SPATA13: variants seen among roughly 807,000 people sequenced by gnomAD.
SPATA13 encodes spermatogenesis-associated protein 13.
SPATA13 carries 50 observed loss-of-function variants against 104.0 expected under a neutral mutation model. That is an observed-to-expected ratio of 0.48 (90% CI 0.38 to 0.61). The LOEUF (loss-of-function observed/expected upper bound fraction) is 0.61, where lower values mean the gene tolerates loss of function less well. Among genes scored for constraint, SPATA13 ranks in the 20% least tolerant of loss-of-function variants. The pLI is 0.00. For synonymous variants in SPATA13, 606 were observed against 667.5 expected (o/e 0.91, Z 1.42); for missense variants, 1,524 against 1,690.6 (o/e 0.90, Z 1.73).
chr13:24,141,352 A>G (rs1881756328), intron 3 of SPATA13, among the ~76,000 whole-genome samples: 1 of 152,174 alleles, frequency 6.6e-6, no homozygotes, highest in African/African-American at 2.4e-5. Flanking sequence ...ATTAATTAAC[A>G]TACTGAGTGC....
chr13:24,124,256 G>A lies in SPATA13; in HGVS notation c.-111-98563G>A, dbSNP rs117972266. ...TTAAAATGTGTTTTTGTTGTCTTTAGTAGTCTATTGACACCACCTTAGAAT... is the reference window on the plus strand; with the variant it reads ...TTAAAATGTGTTTTTGTTGTCTTTAATAGTCTATTGACACCACCTTAGAAT... On this transcript the variant is annotated intron_variant, in intron 3 of 14. Coordinates refer to the SPATA13 transcript ENST00000424834. 1.6e-4 allele frequency among the ~76,000 whole-genome samples: 25 copies of A among 152,276 alleles called. 1 individual carries two copies. In the East Asian group the frequency reaches 4.8e-3, roughly 29 times the overall value.
intron 3 of SPATA13, among the ~76,000 whole-genome samples, chr13:24,140,380 T>C (rs1003010626): frequency 1.3e-5 from 2 of 152,234 alleles, no homozygotes; most frequent in Admixed American, 6.5e-5. Flanking sequence ...ATTTTCAAAA[T>C]ATAAAAGGTT....
chr13:24,178,900 C>A (rs910576936), intron 1 of SPATA13, among the ~76,000 whole-genome samples: 1 of 152,178 alleles, frequency 6.6e-6, no homozygotes, highest in African/African-American at 2.4e-5. Flanking sequence ...TCATCCCCTC[C>A]GAAAGGAAAC....
At chr13:24,208,044 G>A (rs1288125640) in intron 1 of SPATA13, among the ~76,000 whole-genome samples, 1 of 152,214 alleles carries the variant, frequency 6.6e-6, no homozygotes, top group African/African-American at 2.4e-5. Context: ...CTGCCTGATG[G>A]GAGCCGCTGA....
intron 3 of SPATA13, among the ~76,000 whole-genome samples, chr13:24,104,722 A>G (rs553991054): frequency 6.6e-6 from 1 of 152,346 alleles, no homozygotes; most frequent in Non-Finnish European, 1.5e-5. Flanking sequence ...AAATAATCTA[A>G]AAACAGTGCT....
intron 1 of SPATA13, among the ~76,000 whole-genome samples, chr13:24,210,719 T>C (rs1191330730): frequency 6.6e-6 from 1 of 152,006 alleles, no homozygotes; most frequent in Non-Finnish European, 1.5e-5. Context: ...TTTTTCAAGA[T>C]TGCTTTGTCC....
At chr13:24,115,745 G>T (rs977902056) in intron 3 of SPATA13, among the ~76,000 whole-genome samples, 2 of 152,210 alleles carry the variant, frequency 1.3e-5, no homozygotes, top group African/African-American at 4.8e-5. Context: ...TTTCTCAGTG[G>T]GTTGTGATCA....
chr13:24,274,361 C>T (rs1269831837), intron 4 of SPATA13, among the ~76,000 whole-genome samples: 1 of 152,242 alleles, frequency 6.6e-6, no homozygotes, highest in Non-Finnish European at 1.5e-5. Context: ...TTCCCCACTA[C>T]CACCACCCAA....
intron 3 of SPATA13, among the ~76,000 whole-genome samples, chr13:24,083,207 A>G (rs1359877792): frequency 6.6e-6 from 1 of 152,254 alleles, no homozygotes; most frequent in Non-Finnish European, 1.5e-5. Flanking sequence ...TCTATCAGCC[A>G]GTGGAGACCC....
At chr13:23,989,193 G>A (rs1875291357) in intron 2 of SPATA13, among the ~76,000 whole-genome samples, 1 of 152,166 alleles carries the variant, frequency 6.6e-6, no homozygotes, top group South Asian at 2.1e-4. Context: ...GGAGGCCGAG[G>A]CAGGTGGATC....
intron 3 of SPATA13, among the ~76,000 whole-genome samples, chr13:24,136,530 A>G (rs907506465): frequency 1.3e-5 from 2 of 152,056 alleles, no homozygotes; most frequent in African/African-American, 4.8e-5. Flanking sequence ...AGAAAAAGAG[A>G]GGGAGGGAGG....
At chr13:24,261,642 G>A (rs1382178122) in intron 4 of SPATA13, among the ~76,000 whole-genome samples, 1 of 152,174 alleles carries the variant, frequency 6.6e-6, no homozygotes, top group Non-Finnish European at 1.5e-5. Context: ...AGCCAGGCAG[G>A]TAAGCGGTGT....
rs531114859 is a variant in SPATA13 at position 24,280,942 on chromosome 13, T to G, written c.2165-3193T>G. On this transcript the variant is annotated intron_variant, in intron 4 of 12. Coordinates refer to ENST00000382108, the MANE Select transcript of SPATA13 (RefSeq NM_001166271.3). Reference sequence around the variant, plus strand: ...AAAACGAAACAGTCACCATGCGTTGTTCAGGCTCCCGTGTTTCTCAGACAG... The same window carrying G: ...AAAACGAAACAGTCACCATGCGTTGGTCAGGCTCCCGTGTTTCTCAGACAG... 1.8e-3 allele frequency among the ~76,000 whole-genome samples: 274 copies of G among 152,280 alleles called. 3 individuals are homozygous for G. Among genetic ancestry groups the G allele is most frequent in the African/African-American group, 6.4e-3 (264 of 41,562 alleles).
intron 4 of SPATA13, among the ~76,000 whole-genome samples, chr13:24,260,624 A>G (rs1253539558): frequency 2.0e-5 from 3 of 152,262 alleles, no homozygotes; most frequent in African/African-American, 4.8e-5. Context: ...GAGAAACCCA[A>G]TGAAACTCAA....
At chr13:24,121,934 G>A (rs1881042758) in intron 3 of SPATA13, 3 of 667,178 alleles carry the variant, frequency 4.5e-6, no homozygotes, top group Non-Finnish European at 7.9e-6. Flanking sequence ...CCATCTCCTG[G>A]GGTTGTTGTT....
At position 24,286,888 on chromosome 13, in the gene SPATA13, G is replaced by T; in HGVS notation, c.2605G>T (p.Val869Phe). 1 of 1,613,878 alleles carries T rather than the reference G, an allele frequency of 6.2e-7. No homozygotes were observed. The highest frequency in any genetic ancestry group is 8.5e-7 in the Non-Finnish European group (1 of 1,180,006). ...CENKQQMRTN[V>F]IREIMDTERV... ...GAACAAGCAGCAGATGCGGACCAAC[G>T]TCATCCGGGAGATCATGGACACCGA... Residue 869 changes from valine (V) to phenylalanine (F), a missense_variant, in exon 7 of 13, where the codon GTC becomes TTC. By Grantham distance (50) the Val-to-Phe change is conservative (BLOSUM62 -1). Around this residue, in one of 2 missense-constraint regions of SPATA13, gnomAD observed 435 missense variants for 554.8 expected, o/e 0.78. Transcript: ENST00000382108. This position sits in a 1 kb window ranked among gnomAD's most constrained non-coding sequence, Gnocchi z 4.9.
rs546875207 is a variant in SPATA13, at chr13:24,038,289, A to G, written c.-112+20588A>G. On this transcript the variant is annotated intron_variant, in intron 3 of 14. Transcript: ENST00000424834. ...TAAACCCAATATCTGCTATAATGGGATCAGAAAAGGCCACATCTATAAAAG... is the reference window on the plus strand; with the variant it reads ...TAAACCCAATATCTGCTATAATGGGGTCAGAAAAGGCCACATCTATAAAAG... Among the ~76,000 whole-genome samples the G allele has an allele frequency of 2.0e-5, 3 of 152,282 alleles. No homozygotes were observed. The South Asian group carries it at 6.2e-4, about 32-fold the overall frequency.
chr13:24,108,723 A>G (rs1593334740), intron 3 of SPATA13, among the ~76,000 whole-genome samples: 1 of 152,056 alleles, frequency 6.6e-6, no homozygotes, highest in South Asian at 2.1e-4. Context: ...GCAGCTCCGC[A>G]CCTTTCCTCA....
intron 1 of SPATA13, among the ~76,000 whole-genome samples, chr13:24,206,143 C>T (rs1870685852): frequency 6.6e-6 from 1 of 152,092 alleles, no homozygotes; most frequent in Non-Finnish European, 1.5e-5. Flanking sequence ...AGACAATCTA[C>T]AGAGTGAGAG....
Sources: allele counts gnomAD v4.1 joint callset (sites outside exome capture counted in the v4.1 genomes callset), GRCh38; gene constraint gnomAD v4.1.1; regional missense constraint gnomAD v4.1.1; non-coding constraint Gnocchi (gnomAD v3.1); transcripts MANE v1.5; gene names NCBI Gene and HGNC (gene_info 2026-07-23, HGNC 2026-07-21).